Variants in LAMA2 observed in about 807,000 individuals in gnomAD.
LAMA2 encodes the protein laminin subunit alpha-2.
Under a neutral mutation model 364.8 loss-of-function variants are expected in LAMA2, and 269 were observed. The ratio of observed to expected loss-of-function variants is 0.74; its 90% confidence interval spans 0.67 to 0.82. The LOEUF (loss-of-function observed/expected upper bound fraction) is 0.82. LAMA2 is among the 40% of genes least tolerant of loss of function. The pLI, the probability that LAMA2 is intolerant of heterozygous loss-of-function variation, is 0.00. For missense variants in LAMA2, 3,807 were observed against 3,873.2 expected, an observed-to-expected ratio of 0.98 and a Z score of 0.45; for synonymous variants, 1,379 against 1,370.6, an observed-to-expected ratio of 1.01 and a Z score of -0.14.
intron 1 of LAMA2, among the ~76,000 whole-genome samples, chr6:128,993,172 C>A (rs1783712289): frequency 6.6e-6 from 1 of 152,166 alleles, no homozygotes; most frequent in South Asian, 2.1e-4. Context: ...ACACATCAAT[C>A]ACGCCAAAAA....
At chr6:128,931,936 C>T (rs1306698258) in intron 1 of LAMA2, among the ~76,000 whole-genome samples, 2 of 151,978 alleles carry the variant, frequency 1.3e-5, no homozygotes, top group Non-Finnish European at 2.9e-5. Context: ...AATGATTGTT[C>T]ATTATATTTT....
intron 3 of LAMA2, among the ~76,000 whole-genome samples, chr6:129,071,943 C>T (rs971177144): frequency 3.3e-5 from 5 of 151,276 alleles, no homozygotes; most frequent in East Asian, 1.9e-4. Context: ...GTGTGGGCAA[C>T]GTGGTGAAAC....
At chr6:129,321,814 A>G (rs1016178466) in intron 28 of LAMA2, among the ~76,000 whole-genome samples, 3 of 152,202 alleles carry the variant, frequency 2.0e-5, no homozygotes, top group Admixed American at 2.0e-4. Context: ...TGATTCCACT[A>G]GGTCAAAACT....
chr6:129,503,777 T>A (rs1368238521), intron 60 of LAMA2, among the ~76,000 whole-genome samples: 2 of 152,176 alleles, frequency 1.3e-5, no homozygotes, highest in Admixed American at 1.3e-4. Context: ...CACACAGTGG[T>A]CTGTGAAAAC....
chr6:128,893,696 C>T (rs1298414308), intron 1 of LAMA2, among the ~76,000 whole-genome samples: 1 of 151,810 alleles, frequency 6.6e-6, no homozygotes, highest in Non-Finnish European at 1.5e-5. Flanking sequence ...TTTTTATCCT[C>T]TTAAAAATAA....
intron 32 of LAMA2, among the ~76,000 whole-genome samples, chr6:129,362,124 G>T (rs754890667): frequency 1.3e-5 from 2 of 151,888 alleles, no homozygotes; most frequent in Non-Finnish European, 2.9e-5. Flanking sequence ...AATGATCATC[G>T]CTTTGATCTG....
At chr6:128,977,313 G>A (rs1782595355) in intron 1 of LAMA2, among the ~76,000 whole-genome samples, 1 of 144,364 alleles carries the variant, frequency 6.9e-6, no homozygotes, top group Admixed American at 7.0e-5. Flanking sequence ...AGGCTGGAGT[G>A]CAGTAGTGAA....
rs1786873572 is a variant in LAMA2, at chr6:129,514,527, C to G, written c.9143C>G (p.Ala3048Gly). 1 of 1,614,028 alleles carries G rather than the reference C, an allele frequency of 6.2e-7. No individual in the cohort carries two copies. Among genetic ancestry groups the G allele is most frequent in the Non-Finnish European group, 8.5e-7 (1 of 1,180,014 alleles). Residue 3048 changes from alanine (A) to glycine (G), a missense_variant, in exon 64 of 65, where the codon GCC becomes GGC. Physicochemically the swap from Ala to Gly is moderately conservative, Grantham distance 60. This residue lies in a region of LAMA2 where 3,333 missense variants were observed against 3,345.7 expected (regional missense o/e 1.00). Transcript: ENST00000421865. ...ACAGTCGATGGGAACCAGGTGGAAG[C>G]CCAAAGCCCAAACCCAGCATCTACA... ...ELTVDGNQVE[A>G]QSPNPASTSA...
intron 52 of LAMA2, 112 bp downstream of exon 52, chr6:129,473,464 C>T: frequency 9.8e-7 from 1 of 1,016,988 alleles, no homozygotes; most frequent in South Asian, 1.4e-5. Context: ...CCCTTGGTTG[C>T]AGAAAGGCCT....
chr6:129,245,910 C>T (rs1202301048), intron 12 of LAMA2, among the ~76,000 whole-genome samples: 3 of 152,142 alleles, frequency 2.0e-5, no homozygotes, highest in African/African-American at 7.2e-5. Flanking sequence ...CTAGATCAGA[C>T]ATACCCAGAC....
intron 35 of LAMA2, among the ~76,000 whole-genome samples, chr6:129,383,749 T>C (rs1482417986): frequency 6.6e-6 from 1 of 152,118 alleles, no homozygotes; most frequent in Non-Finnish European, 1.5e-5. Context: ...GTTCTTGCCA[T>C]CTACTAACAT....
chr6:128,970,113 A>C (rs547078055), intron 1 of LAMA2, among the ~76,000 whole-genome samples: 1 of 152,306 alleles, frequency 6.6e-6, no homozygotes, highest in Non-Finnish European at 1.5e-5. Context: ...ATAAGCTGCA[A>C]GTCAGTAGCA....
chr6:129,479,604 C>T (rs2275210), intron 54 of LAMA2: 48,581 of 151,962 alleles, frequency 0.32, 8,344 homozygotes, highest in African/African-American at 0.45. Context: ...AAAATGAAAA[C>T]GTTAAATATG....
At chr6:129,217,457 G>C (rs1171873157) in intron 12 of LAMA2, among the ~76,000 whole-genome samples, 1 of 152,130 alleles carries the variant, frequency 6.6e-6, no homozygotes, top group African/African-American at 2.4e-5. Flanking sequence ...CTTCAACTCA[G>C]AGAAATCAGT....
intron 1 of LAMA2, among the ~76,000 whole-genome samples, chr6:128,893,781 CTAAT>C (rs1324100139): frequency 6.6e-6 from 1 of 151,462 alleles, no homozygotes; most frequent in Non-Finnish European, 1.5e-5. Flanking sequence ...AAAATGTTTA[CTAAT>C]TAATTTAAAA....
At chr6:129,251,222 T>C (rs1786216554) in intron 13 of LAMA2, among the ~76,000 whole-genome samples, 1 of 151,934 alleles carries the variant, frequency 6.6e-6, no homozygotes, top group Non-Finnish European at 1.5e-5. Context: ...AAGGATTACC[T>C]AAGTGTCATA....
chr6:128,912,181 G>T (rs1778011610), intron 1 of LAMA2, among the ~76,000 whole-genome samples: 1 of 152,032 alleles, frequency 6.6e-6, no homozygotes, highest in Admixed American at 6.6e-5. Context: ...GGGTTGCATG[G>T]AAAAAATGTT....
intron 1 of LAMA2, among the ~76,000 whole-genome samples, chr6:128,883,650 T>C (rs1416600556): frequency 6.6e-6 from 1 of 152,070 alleles, no homozygotes; most frequent in Non-Finnish European, 1.5e-5. Context: ...CTGAAATCTT[T>C]CCAAGAGGAA....
rs143247439 is a variant in LAMA2, at chr6:129,315,605, C to T, written c.3685C>T (p.His1229Tyr). The change falls in exon 25 of 65, where the codon CAT becomes TAT. Residue 1229 changes from histidine to tyrosine, a missense_variant. His to Tyr is a moderately conservative substitution (Grantham distance 83). Around this residue, in one of 3 missense-constraint regions of LAMA2, gnomAD observed 3,333 missense variants for 3,345.7 expected, o/e 1.00. Transcript: ENST00000421865. ...CATGGACCTGATGAGAGAAGATCTC[C>T]ATTTGGAACCTTTTTATTGGAAACT... is the stretch of plus-strand genomic sequence containing the variant. Reference protein sequence around the residue: ...AHMDLMREDLHLEPFYWKLPE... With the variant: ...AHMDLMREDLYLEPFYWKLPE... The T allele has an allele frequency of 4.1e-5, 66 of 1,614,008 alleles. No individual in the cohort carries two copies. Among genetic ancestry groups the T allele is most frequent in the Non-Finnish European group, 3.4e-5 (40 of 1,180,022 alleles).
Sources: allele counts gnomAD v4.1 joint callset (sites outside exome capture counted in the v4.1 genomes callset), GRCh38; gene constraint gnomAD v4.1.1; regional missense constraint gnomAD v4.1.1; transcripts MANE v1.5; gene names NCBI Gene and HGNC (gene_info 2026-07-23, HGNC 2026-07-21).